Variants in KSR2 observed in about 807,000 individuals in gnomAD.
KSR2 encodes the protein kinase suppressor of ras 2.
KSR2 carries 25 observed loss-of-function variants against 107.8 expected under a neutral mutation model. The ratio of observed to expected loss-of-function variants is 0.23; its 90% CI spans 0.17 to 0.32. KSR2 has a LOEUF of 0.32. Ranked by LOEUF, KSR2 falls within the 10% of genes least tolerant of loss-of-function variation. The probability of loss-of-function intolerance (pLI) is 1.00; values close to 1 mark genes in which losing one functional copy is unlikely to be tolerated. For synonymous variants in KSR2, 480 were observed against 507.0 expected (o/e 0.95, Z 0.71); for missense variants, 887 against 1,268.9 (o/e 0.70, Z 4.57).
chr12:117,695,778 C>T lies in KSR2; in HGVS notation c.987-28120G>A, dbSNP rs140708708. On this transcript the variant is annotated intron_variant, in intron 4 of 19. Transcript: ENST00000339824. ...AAGAGATCTGTTGGCAAGGGGATAA[C>T]CCACTCTCTGATAATGAAGACCTGA... Among the ~76,000 whole-genome samples the T allele has an allele frequency of 1.6e-3, 245 of 151,620 alleles. 1 individual carries two copies. The highest frequency in any genetic ancestry group is 5.6e-3 in the African/African-American group (232 of 41,382).
chr12:117,810,821 T>C lies in KSR2; in HGVS notation c.472+44607A>G, dbSNP rs568929977. Among the ~76,000 whole-genome samples, 37 of 152,308 alleles carry C rather than the reference T, an allele frequency of 2.4e-4. 1 individual carries two copies. Among genetic ancestry groups the C allele is most frequent in the Non-Finnish European group, 4.1e-4 (28 of 68,034 alleles). On this transcript the variant is annotated intron_variant, in intron 3 of 19. Coordinates refer to ENST00000339824, the MANE Select transcript of KSR2 (RefSeq NM_173598.6). ...GGGTGGTGGTGTTATTTTTGGTTCC[T>C]TTTAGAAAAGGGAAAATAGAAATGA...
rs538853171 is a variant in KSR2 at position 117,500,599 on chromosome 12, C to G, written c.2220-14908G>C. 5.0e-4 allele frequency among the ~76,000 whole-genome samples: 76 copies of G among 152,254 alleles called. 1 individual carries two copies. Among genetic ancestry groups the G allele is most frequent in the Admixed American group, 4.4e-3 (67 of 15,304 alleles). Reference sequence around the variant, plus strand: ...TTTGATACTAGCATCTTATTCCTAACCACTAAGCTATATGGCCTCTTTGGA... The same window carrying G: ...TTTGATACTAGCATCTTATTCCTAAGCACTAAGCTATATGGCCTCTTTGGA... On this transcript the variant is annotated intron_variant, in intron 14 of 19. Coordinates refer to ENST00000339824, the MANE Select transcript of KSR2 (RefSeq NM_173598.6).
chr12:117,736,403 C>A (rs1318902371), intron 4 of KSR2, among the ~76,000 whole-genome samples: 2 of 152,228 alleles, frequency 1.3e-5, no homozygotes, highest in Non-Finnish European at 1.5e-5. Context: ...CATCTCTGAA[C>A]TCCCAGTGCC....
intron 4 of KSR2, among the ~76,000 whole-genome samples, chr12:117,694,181 G>A (rs1160315790): frequency 2.0e-5 from 3 of 152,162 alleles, no homozygotes; most frequent in Non-Finnish European, 4.4e-5. Flanking sequence ...ATATGATATG[G>A]TTTGGCTGCG....
intron 9 of KSR2, among the ~76,000 whole-genome samples, chr12:117,551,510 C>G (rs35549026): frequency 2.0e-5 from 3 of 152,082 alleles, no homozygotes; most frequent in Non-Finnish European, 4.4e-5. Flanking sequence ...GGCCCACAGT[C>G]GTACAGCAAG....
intron 8 of KSR2, 139 bp downstream of exon 8, chr12:117,558,367 T>G (rs1234129304): frequency 1.8e-5 from 12 of 651,682 alleles, no homozygotes; most frequent in Admixed American, 7.6e-5. Flanking sequence ...AAACAGGGCG[T>G]CAGAGAGAAA....
At chr12:117,664,893 G>A (rs1884594155) in intron 5 of KSR2, among the ~76,000 whole-genome samples, 1 of 152,114 alleles carries the variant, frequency 6.6e-6, no homozygotes, top group Admixed American at 6.5e-5. Flanking sequence ...TGACACACCA[G>A]GCAGAGACAG....
At position 117,801,409 on chromosome 12, in the gene KSR2, G is replaced by A. The variant is rs775005197; in HGVS notation, c.473-39885C>T. On this transcript the variant is annotated intron_variant, in intron 3 of 19. Transcript: ENST00000339824. ...CTCCCAAAGTGCTGGGATTACTGGCGTGAGCCACCACACCTGGCCAAGACT... is the reference window on the plus strand; with the variant it reads ...CTCCCAAAGTGCTGGGATTACTGGCATGAGCCACCACACCTGGCCAAGACT... Among the ~76,000 whole-genome samples the A allele has an allele frequency of 5.1e-4, 78 of 152,082 alleles. 1 individual carries two copies. Among genetic ancestry groups the A allele is most frequent in the South Asian group, 1.0e-3 (5 of 4,818 alleles).
intron 3 of KSR2, among the ~76,000 whole-genome samples, chr12:117,767,650 T>C (rs1236490041): frequency 1.4e-5 from 2 of 146,772 alleles, no homozygotes; most frequent in Non-Finnish European, 3.0e-5. Context: ...CCAGCTGTGG[T>C]GACCCACGCG....
chr12:117,852,197 C>A (rs1416964484), intron 3 of KSR2, among the ~76,000 whole-genome samples: 1 of 151,496 alleles, frequency 6.6e-6, no homozygotes, highest in Non-Finnish European at 1.5e-5. Flanking sequence ...CCAAGGCAGG[C>A]GGATTGCCTG....
intron 4 of KSR2, among the ~76,000 whole-genome samples, chr12:117,697,739 C>CA (rs35764451): frequency 0.087 from 5,725 of 65,536 alleles, 178 homozygotes; most frequent in Middle Eastern, 0.14. Context: ...GACTCCATCT[C>CA]AAAAAAAAAA....
chr12:117,642,172 C>G (rs1333269054), intron 5 of KSR2, among the ~76,000 whole-genome samples: 1 of 152,226 alleles, frequency 6.6e-6, no homozygotes, highest in Non-Finnish European at 1.5e-5. Context: ...CTGTAGCATT[C>G]TGAACTTCCA....
chr12:117,834,191 G>T (rs1371075965), intron 3 of KSR2, among the ~76,000 whole-genome samples: 1 of 151,560 alleles, frequency 6.6e-6, no homozygotes, highest in Non-Finnish European at 1.5e-5. Flanking sequence ...GAATCCGAAG[G>T]ACTCGGCTGA....
At chr12:117,484,645 C>T in intron 15 of KSR2, 96 bp from the exon 16 acceptor site, 2 of 1,282,950 alleles carry the variant, frequency 1.6e-6, no homozygotes, top group Non-Finnish European at 2.2e-6. Context: ...GAAGACTTGG[C>T]TCCCTAATGG....
At chr12:117,727,740 T>G (rs999525584) in intron 4 of KSR2, among the ~76,000 whole-genome samples, 8 of 152,168 alleles carry the variant, frequency 5.3e-5, no homozygotes, top group African/African-American at 1.9e-4. Flanking sequence ...TCTGGAACTG[T>G]GAGACAATGG....
intron 5 of KSR2, among the ~76,000 whole-genome samples, chr12:117,599,981 C>T (rs1023657005): frequency 3.3e-5 from 5 of 152,162 alleles, no homozygotes; most frequent in Admixed American, 3.3e-4. Context: ...ACTCCTGTAG[C>T]CCTCCCAGGT....
At chr12:117,872,616 T>A (rs1298708057) in intron 1 of KSR2, among the ~76,000 whole-genome samples, 1 of 152,110 alleles carries the variant, frequency 6.6e-6, no homozygotes, top group Non-Finnish European at 1.5e-5. Context: ...AAATTCTGAT[T>A]CAGTGAATCT....
intron 3 of KSR2, among the ~76,000 whole-genome samples, chr12:117,845,787 T>C (rs902582426): frequency 6.7e-6 from 1 of 150,372 alleles, no homozygotes; most frequent in Non-Finnish European, 1.5e-5. Flanking sequence ...CTCAGGTGAT[T>C]CTCCCACCTC....
At chr12:117,587,592 T>C (rs1229996401) in intron 5 of KSR2, among the ~76,000 whole-genome samples, 2 of 152,268 alleles carry the variant, frequency 1.3e-5, no homozygotes, top group Admixed American at 6.5e-5. Context: ...GCTGAGTTGG[T>C]GGCCGTTTGT....
Sources: allele counts gnomAD v4.1 joint callset (sites outside exome capture counted in the v4.1 genomes callset), GRCh38; gene constraint gnomAD v4.1.1; transcripts MANE v1.5; gene names NCBI Gene and HGNC (gene_info 2026-07-23, HGNC 2026-07-21).